The following SLC26A4 variants were observed in gnomAD, a reference collection of about 807,000 sequenced individuals.
SLC26A4 encodes pendrin.
Under a neutral mutation model 90.4 loss-of-function variants are expected in SLC26A4, and 93 were observed. That is an observed-to-expected ratio of 1.03 (90% confidence interval 0.87 to 1.22). SLC26A4 has a LOEUF of 1.22. Among genes scored for constraint, SLC26A4 ranks in the 50% most tolerant of loss-of-function variants. The pLI is 0.00. For synonymous variants in SLC26A4, 393 were observed against 354.6 expected, an observed-to-expected ratio of 1.11 and a Z score of -1.22; for missense variants, 1,127 against 946.2, an observed-to-expected ratio of 1.19 and a Z score of -2.51.
intron 6 of SLC26A4, among the ~76,000 whole-genome samples, chr7:107,682,272 T>C (rs1791262093): frequency 1.3e-5 from 2 of 152,032 alleles, no homozygotes; most frequent in South Asian, 4.1e-4. Context: ...GGCACACGTA[T>C]ACATATGTAA....
intron 13 of SLC26A4, 74 bp downstream of exon 13, chr7:107,696,113 A>G: frequency 1.1e-6 from 1 of 884,646 alleles, no homozygotes; most frequent in Admixed American, 1.7e-5. Context: ...ATTTTGATAA[A>G]TATAGTGAAG....
Position 107,674,360 on chromosome 7 carries a change from A to T in SLC26A4, c.600+12A>T, listed in dbSNP as rs772778452. Reference sequence around the variant, plus strand: ...TTGGAATTATACAGGTAATGAACTTACAAGTAAAATATAGATGGATGTAAT... The same window carrying T: ...TTGGAATTATACAGGTAATGAACTTTCAAGTAAAATATAGATGGATGTAAT... On this transcript the variant is annotated intron_variant, in intron 5 of 20. Coordinates refer to ENST00000644269, the MANE Select transcript of SLC26A4 (RefSeq NM_000441.2). The T allele has an allele frequency of 1.3e-6, 2 of 1,583,544 alleles. No homozygotes were observed. Among genetic ancestry groups the T allele is most frequent in the East Asian group, 4.5e-5 (2 of 44,736 alleles).
At chr7:107,662,570 A>T (rs1790590945) in intron 2 of SLC26A4, among the ~76,000 whole-genome samples, 2 of 151,970 alleles carry the variant, frequency 1.3e-5, no homozygotes, top group African/African-American at 4.8e-5. Flanking sequence ...AGCAAATCTC[A>T]TATAGCATAC....
chr7:107,710,140 A>G lies in SLC26A4; in HGVS notation c.2176A>G (p.Ile726Val), dbSNP rs554555831. The G allele has an allele frequency of 2.5e-6, 4 of 1,608,900 alleles. No homozygotes were observed. The highest frequency in any genetic ancestry group is 1.3e-5 in the African/African-American group (1 of 74,920). The change falls in exon 19 of 21, where the codon ATA (isoleucine) becomes GTA (valine). Residue 726 changes from isoleucine to valine, a missense_variant. Transcript: ENST00000644269. ...DTFFLTVHDA[I>V]LYLQNQVKSQ... ...ATTCTTTTTGACGGTCCATGATGCT[A>G]TACTCTATCTACAGAACCAAGTGAA...
chr7:107,697,733 A>C (rs1791778009), intron 13 of SLC26A4, among the ~76,000 whole-genome samples: 1 of 152,248 alleles, frequency 6.6e-6, no homozygotes, highest in Non-Finnish European at 1.5e-5. Flanking sequence ...GGGTTATGGC[A>C]GGGCTTAAAT....
At chr7:107,688,119 G>C (rs373047046) in intron 8 of SLC26A4, among the ~76,000 whole-genome samples, 13 of 152,112 alleles carry the variant, frequency 8.5e-5, no homozygotes, top group Admixed American at 8.5e-4. Flanking sequence ...ACGTTTCCAG[G>C]TCTAAGTTCC....
intron 6 of SLC26A4, among the ~76,000 whole-genome samples, chr7:107,680,290 C>A (rs13244296): frequency 0.7 from 83,372 of 119,114 alleles, 29,886 homozygotes; most frequent in African/African-American, 0.88. Context: ...ATAATCTTAT[C>A]TTATTATATA....
intron 3 of SLC26A4, among the ~76,000 whole-genome samples, chr7:107,669,479 G>A (rs554476821): frequency 1.3e-5 from 2 of 152,196 alleles, no homozygotes; most frequent in East Asian, 3.8e-4. Context: ...AAATAGACAA[G>A]TTGTGCTTTC....
chr7:107,690,321 G>A (rs1791533882), intron 10 of SLC26A4, 84 bp downstream of exon 10: 1 of 862,046 alleles, frequency 1.2e-6, no homozygotes, highest in African/African-American at 1.6e-5. Context: ...GAGCTTAGCA[G>A]GACAATTTGC....
rs1290000463 is a variant in SLC26A4, at chr7:107,661,768, C to T, written c.127C>T (p.Arg43Cys). Residue 43 changes from arginine (R) to cysteine (C), a missense_variant, in exon 2 of 21, where the codon CGC becomes TGC. Arg to Cys is a radical substitution (Grantham distance 180). Transcript: ENST00000644269. The surrounding 1 kb of genome is among the most constrained non-coding windows in gnomAD (Gnocchi z 5.1). ...QQQHERRLQE[R>C]KTLRESLAKC... Reference sequence around the variant, plus strand: ...ACAGCACGAGCGGCGCCTGCAGGAGCGCAAGACGCTGCGGGAGAGCCTGGC... The same window carrying T: ...ACAGCACGAGCGGCGCCTGCAGGAGTGCAAGACGCTGCGGGAGAGCCTGGC... 4 of 1,542,498 alleles carry T rather than the reference C, an allele frequency of 2.6e-6. No individual in the cohort carries two copies. Among genetic ancestry groups the T allele is most frequent in the African/African-American group, 2.7e-5 (2 of 73,192 alleles).
intron 6 of SLC26A4, among the ~76,000 whole-genome samples, chr7:107,679,833 A>T (rs1411647921): frequency 1.5e-5 from 2 of 136,104 alleles, no homozygotes; most frequent in African/African-American, 2.7e-5. Flanking sequence ...ATAATCTTAT[A>T]TTATTATATA....
chr7:107,706,288 A>T (rs1305032111), intron 18 of SLC26A4, among the ~76,000 whole-genome samples: 1 of 152,150 alleles, frequency 6.6e-6, no homozygotes, highest in Non-Finnish European at 1.5e-5. Flanking sequence ...CTCCTTTCAA[A>T]TTTGCTTTGC....
intron 3 of SLC26A4, among the ~76,000 whole-genome samples, chr7:107,669,214 C>T (rs1790799030): frequency 6.6e-6 from 1 of 152,184 alleles, no homozygotes; most frequent in Admixed American, 6.5e-5. Flanking sequence ...ACCTCAGCCT[C>T]CCGAAATGCT....
chr7:107,697,816 A>G (rs1791780167), intron 13 of SLC26A4, among the ~76,000 whole-genome samples: 1 of 152,098 alleles, frequency 6.6e-6, no homozygotes, highest in Non-Finnish European at 1.5e-5. Context: ...GATGCTCATT[A>G]TTTCTCTCAG....
chr7:107,691,390 T>C (rs1306847082), intron 10 of SLC26A4, among the ~76,000 whole-genome samples: 2 of 151,674 alleles, frequency 1.3e-5, no homozygotes, highest in Admixed American at 1.3e-4. Context: ...TAATCCCAGC[T>C]ACTTGGGAGG....
At chr7:107,711,949 T>C (rs1032636222) in intron 19 of SLC26A4, among the ~76,000 whole-genome samples, 3 of 152,200 alleles carry the variant, frequency 2.0e-5, no homozygotes, top group African/African-American at 7.2e-5. Flanking sequence ...GATATATATT[T>C]GGAGTTGCTT....
intron 4 of SLC26A4, among the ~76,000 whole-genome samples, chr7:107,672,516 CTG>C (rs1335031829): frequency 6.6e-6 from 1 of 151,662 alleles, no homozygotes; most frequent in Non-Finnish European, 1.5e-5. Flanking sequence ...AATAAAAAAA[CTG>C]AAAATGACAG....
chr7:107,691,925 G>T, intron 10 of SLC26A4: 1 of 1,286,494 alleles, frequency 7.8e-7, no homozygotes, highest in Admixed American at 2.3e-5. Context: ...GCTGTCAGCA[G>T]CAGGAACTTC....
At position 107,717,393 on chromosome 7, in the gene SLC26A4, GTGAATGTAATAGTCTTGCAGAAAATGAA is replaced by G. The variant is rs1792374868; in HGVS notation, c.*1953_*1980del. On this transcript the variant is annotated 3_prime_UTR_variant, in exon 21 of 21. Transcript: ENST00000644269. ...AAAAAAAAAAAAAAAAAAAAAAAGA[GTGAATGTAATAGTCTTGCAGAAAATGAA>G]TGAATACCTTTGTTCAATAAAGGAA... The G allele has an allele frequency of 6.9e-5, 10 of 144,360 alleles. No homozygotes were observed. The highest frequency in any genetic ancestry group is 2.6e-4 in the African/African-American group (10 of 38,972). 8.9% of individuals were successfully genotyped at this position (144,360 alleles called of 1,614,324 possible). A position where few individuals can be genotyped will look rare whatever the true frequency, so the allele number is the denominator to read the frequency against.
Sources: gnomAD v4.1 joint callset for allele counts (sites outside exome capture counted in the v4.1 genomes callset) on GRCh38, gnomAD v4.1.1 for gene constraint, Gnocchi (gnomAD v3.1) non-coding constraint, MANE v1.5 for transcripts, NCBI Gene and HGNC (gene_info 2026-07-23, HGNC 2026-07-21) for gene names.